Variants in DIS3L2 observed in about 807,000 individuals in gnomAD.
DIS3L2 encodes DIS3-like exonuclease 2.
In DIS3L2, 34 loss-of-function variants were observed where a neutral mutation model predicts 97.5. The ratio of observed to expected loss-of-function variants is 0.35; its 90% CI spans 0.27 to 0.46. The LOEUF (loss-of-function observed/expected upper bound fraction) is 0.46. Among genes scored for constraint, DIS3L2 ranks in the 20% least tolerant of loss-of-function variants. The probability of loss-of-function intolerance (pLI) is 1.00; values close to 1 mark genes in which losing one functional copy is unlikely to be tolerated. For synonymous variants in DIS3L2, 435 were observed against 445.2 expected, an observed-to-expected ratio of 0.98 and a Z score of 0.29; for missense variants, 1,038 against 1,146.0, an observed-to-expected ratio of 0.91 and a Z score of 1.36.
chr2:231,986,351 C>T (rs1217100877), intron 1 of DIS3L2, among the ~76,000 whole-genome samples: 1 of 152,184 alleles, frequency 6.6e-6, no homozygotes, highest in East Asian at 1.9e-4. Flanking sequence ...GATTAGTACA[C>T]ATACCCACAG....
At chr2:232,057,387 A>G (rs1476295265) in intron 5 of DIS3L2, among the ~76,000 whole-genome samples, 1 of 152,142 alleles carries the variant, frequency 6.6e-6, no homozygotes, top group Non-Finnish European at 1.5e-5. Context: ...AGCAAGTCGC[A>G]ATTTTGGGCA....
chr2:232,324,374 TAG>T (rs1177887390), intron 14 of DIS3L2, among the ~76,000 whole-genome samples: 2 of 152,150 alleles, frequency 1.3e-5, no homozygotes, highest in African/African-American at 2.4e-5. Flanking sequence ...CTCATTCCAT[TAG>T]CAGGAGCCTC....
downstream of DIS3L2, chr2:232,337,291 A>G (rs1181620725): frequency 2.7e-5 from 20 of 738,942 alleles, no homozygotes; most frequent in Non-Finnish European, 3.3e-5. Context: ...CCAGCTCCGC[A>G]GGGCCTGGTG....
intron 13 of DIS3L2, among the ~76,000 whole-genome samples, chr2:232,282,899 A>G (rs1051665420): frequency 6.6e-6 from 1 of 152,222 alleles, no homozygotes; most frequent in African/African-American, 2.4e-5. Context: ...GGCTGCGCAC[A>G]TGAAGGCGCC....
intron 9 of DIS3L2, among the ~76,000 whole-genome samples, chr2:232,181,432 A>G (rs1478999781): frequency 2.6e-5 from 4 of 152,186 alleles, no homozygotes; most frequent in Middle Eastern, 3.4e-3. Flanking sequence ...CATTCTCCCC[A>G]TCACTTTCAG....
At position 232,238,652 on chromosome 2, in the gene DIS3L2, A is replaced by G. The variant is rs747640827; in HGVS notation, c.1317+7A>G. ...CGTCTACTTGGTTCAAAAGGTAAAA[A>G]TCCATCTCTAGTTTCTTTTTTCTTG... On this transcript the variant is annotated splice_region_variant and intron_variant, in intron 11 of 20. Transcript: ENST00000325385. 7 of 1,607,640 alleles carry G rather than the reference A, an allele frequency of 4.4e-6. No individual in the cohort carries two copies. The highest frequency in any genetic ancestry group is 5.1e-6 in the Non-Finnish European group (6 of 1,176,408).
At chr2:232,026,393 T>C (rs1694657077) in intron 4 of DIS3L2, among the ~76,000 whole-genome samples, 2 of 152,124 alleles carry the variant, frequency 1.3e-5, no homozygotes, top group Admixed American at 1.3e-4. Context: ...CCCTCTTCCC[T>C]TCTCAGTGCT....
intron 1 of DIS3L2, among the ~76,000 whole-genome samples, chr2:232,001,050 A>G (rs1430764586): frequency 6.6e-6 from 1 of 152,016 alleles, no homozygotes; most frequent in Admixed American, 6.6e-5. Context: ...TACTGATTTC[A>G]TTTCCTTTGA....
intron 1 of DIS3L2, among the ~76,000 whole-genome samples, chr2:231,993,842 T>C (rs1693649254): frequency 6.6e-6 from 1 of 152,038 alleles, no homozygotes; most frequent in Admixed American, 6.5e-5. Context: ...GTTGAATAAG[T>C]TGTCATTCAT....
chr2:232,148,691 A>G (rs1690296039), intron 8 of DIS3L2, among the ~76,000 whole-genome samples: 2 of 151,562 alleles, frequency 1.3e-5, no homozygotes, highest in South Asian at 2.1e-4. Flanking sequence ...ACATTGTGTC[A>G]GAACTTTACA....
chr2:232,120,051 A>G (rs1559648986), intron 6 of DIS3L2, among the ~76,000 whole-genome samples: 1 of 151,942 alleles, frequency 6.6e-6, no homozygotes. Flanking sequence ...CTCTCAGATG[A>G]TGTTATCATA....
At chr2:232,001,688 T>TCAG (rs1693914567) in intron 1 of DIS3L2, among the ~76,000 whole-genome samples, 1 of 149,974 alleles carries the variant, frequency 6.7e-6, no homozygotes, top group African/African-American at 2.4e-5. Context: ...GTTTTCAGTG[T>TCAG]CAGGCCTTAC....
At chr2:232,340,895 A>G (rs1490368165), downstream of DIS3L2, 1 of 471,244 alleles carries the variant, frequency 2.1e-6, no homozygotes, top group Non-Finnish European at 4.4e-6. Context: ...ACTTCATGAA[A>G]CAAAAAACAA....
intron 10 of DIS3L2, among the ~76,000 whole-genome samples, chr2:232,223,841 A>G (rs1692570315): frequency 6.6e-6 from 1 of 152,220 alleles, no homozygotes; most frequent in African/African-American, 2.4e-5. Context: ...GTAATCCAAC[A>G]CTTTGGGAGG....
chr2:232,185,137 A>T (rs1490827737), intron 9 of DIS3L2, among the ~76,000 whole-genome samples: 2 of 152,230 alleles, frequency 1.3e-5, no homozygotes, highest in African/African-American at 4.8e-5. Flanking sequence ...AACTCAGTAC[A>T]TGGCATCCAG....
chr2:232,324,530 A>C (rs1457734140), intron 14 of DIS3L2, among the ~76,000 whole-genome samples: 3 of 151,958 alleles, frequency 2.0e-5, no homozygotes, highest in Admixed American at 6.6e-5. Context: ...GCTCATTTCC[A>C]AGGCCACTCT....
chr2:232,194,217 A>G (rs1024574004), intron 9 of DIS3L2, among the ~76,000 whole-genome samples: 1 of 152,278 alleles, frequency 6.6e-6, no homozygotes, highest in South Asian at 2.1e-4. Context: ...ATATTAATGT[A>G]TATAGATATA....
intron 1 of DIS3L2, among the ~76,000 whole-genome samples, chr2:231,980,558 C>T (rs1156856348): frequency 6.6e-6 from 1 of 152,018 alleles, no homozygotes; most frequent in African/African-American, 2.4e-5. Flanking sequence ...ATCAGCTGGG[C>T]GTGGTGGCAT....
At chr2:232,093,822 T>C (rs964154038) in intron 6 of DIS3L2, among the ~76,000 whole-genome samples, 3 of 152,306 alleles carry the variant, frequency 2.0e-5, no homozygotes, top group Non-Finnish European at 4.4e-5. Context: ...TTTTGTTTCA[T>C]TGATCTTTTG....
Sources: allele counts gnomAD v4.1 joint callset (sites outside exome capture counted in the v4.1 genomes callset), GRCh38; gene constraint gnomAD v4.1.1; transcripts MANE v1.5; gene names NCBI Gene and HGNC (gene_info 2026-07-23, HGNC 2026-07-21).